UTRN: variants seen among roughly 807,000 people sequenced by gnomAD.
The protein encoded by UTRN is utrophin.
A neutral mutation model predicts 463.9 loss-of-function variants in UTRN; 283 were observed. The ratio of observed to expected loss-of-function variants is 0.61; its 90% CI spans 0.55 to 0.67. The LOEUF (loss-of-function observed/expected upper bound fraction) is 0.67. Among genes scored for constraint, UTRN ranks in the 30% least tolerant of loss-of-function variants. UTRN has a pLI of 0.00. For missense variants in UTRN, 3,922 were observed against 4,084.3 expected (o/e 0.96, Z 1.08); for synonymous variants, 1,442 against 1,431.5 (o/e 1.01, Z -0.17).
At position 144,663,526 on chromosome 6, in the gene UTRN, T is replaced by A. The variant is rs757447308; in HGVS notation, c.7480-14880T>A. 3.5e-4 allele frequency among the ~76,000 whole-genome samples: 54 copies of A among 152,224 alleles called. 1 individual carries two copies. The highest frequency in any genetic ancestry group is 1.0e-4 in the Non-Finnish European group (7 of 68,038). On this transcript the variant is annotated intron_variant, in intron 51 of 74. Coordinates refer to ENST00000367545, the MANE Select transcript of UTRN (RefSeq NM_007124.3). ...GTACTGTATTTCTTTTGTTTAATAGTCACAGAGGATAGTGTAATGGCCAAT... is the reference window on the plus strand; with the variant it reads ...GTACTGTATTTCTTTTGTTTAATAGACACAGAGGATAGTGTAATGGCCAAT...
At chr6:144,580,222 A>G (rs200413327) in intron 51 of UTRN, among the ~76,000 whole-genome samples, 1 of 92,764 alleles carries the variant, frequency 1.1e-5, no homozygotes, top group African/African-American at 5.6e-5. Context: ...TGGTGGTGGC[A>G]GTGGTGGTGG....
intron 2 of UTRN, among the ~76,000 whole-genome samples, chr6:144,376,179 G>A (rs543061760): frequency 2.6e-5 from 4 of 151,940 alleles, no homozygotes; most frequent in East Asian, 3.9e-4. Flanking sequence ...TTTTTGGGTC[G>A]GGCCGGGTGG....
At chr6:144,319,064 G>C (rs1310197477) in intron 2 of UTRN, among the ~76,000 whole-genome samples, 1 of 149,156 alleles carries the variant, frequency 6.7e-6, no homozygotes, top group Non-Finnish European at 1.5e-5. Context: ...ATGAGACCCT[G>C]TCTCAAAATA....
At chr6:144,651,727 CT>C (rs1778834433) in intron 51 of UTRN, among the ~76,000 whole-genome samples, 1 of 152,166 alleles carries the variant, frequency 6.6e-6, no homozygotes, top group Non-Finnish European at 1.5e-5. Context: ...TACATATAGT[CT>C]TTTCTATACC....
chr6:144,470,842 C>T (rs966909270), intron 23 of UTRN, among the ~76,000 whole-genome samples: 4 of 151,842 alleles, frequency 2.6e-5, no homozygotes, highest in Non-Finnish European at 5.9e-5. Context: ...CCGGCCAACA[C>T]GGCGAAACCC....
At chr6:144,369,318 A>G (rs73594936) in intron 2 of UTRN, among the ~76,000 whole-genome samples, 20,381 of 152,216 alleles carry the variant, frequency 0.13, 4,112 homozygotes, top group African/African-American at 0.43. Flanking sequence ...ACATTTCATC[A>G]CATAAAAATT....
At chr6:144,620,400 T>C (rs1034259881) in intron 51 of UTRN, among the ~76,000 whole-genome samples, 2 of 152,062 alleles carry the variant, frequency 1.3e-5, no homozygotes, top group African/African-American at 2.4e-5. Context: ...ATCTGCTTAA[T>C]TGGTAGACTT....
At chr6:144,706,357 A>G (rs1053307920) in intron 53 of UTRN, among the ~76,000 whole-genome samples, 3 of 152,036 alleles carry the variant, frequency 2.0e-5, no homozygotes, top group South Asian at 2.1e-4. Context: ...AAAGAACCCT[A>G]AGAAATAAGA....
chr6:144,826,211 T>C (rs886551444), intron 66 of UTRN, among the ~76,000 whole-genome samples: 8 of 150,350 alleles, frequency 5.3e-5, no homozygotes, highest in Non-Finnish European at 8.9e-5. Context: ...AAAATAGATC[T>C]GAAGAGTCTT....
Position 144,437,587 on chromosome 6 carries a change from C to T in UTRN, c.1082C>T (p.Ala361Val), listed in dbSNP as rs1353902135. 1 of 1,611,322 alleles carries T rather than the reference C, an allele frequency of 6.2e-7. No homozygotes were observed. The highest frequency in any genetic ancestry group is 1.7e-5 in the Admixed American group (1 of 59,544). ...TAGGCTTTTATGATGGAACTGACTG[C>T]ACACCAGAGCAGTGTGGGCAGCGTC... is the stretch of plus-strand genomic sequence containing the variant. ...THEAFMMELT[A>V]HQSSVGSVLQ... The change falls in exon 11 of 75, where the codon GCA becomes GTA. Residue 361 changes from alanine (A) to valine (V), a missense_variant. Transcript: ENST00000367545.
At chr6:144,720,291 A>G (rs891231995) in intron 53 of UTRN, among the ~76,000 whole-genome samples, 4 of 152,154 alleles carry the variant, frequency 2.6e-5, no homozygotes, top group African/African-American at 9.7e-5. Context: ...TGTCTTTCTC[A>G]CTAAGTTGTA....
chr6:144,794,126 T>TAAGGTACCAACC, intron 63 of UTRN, 135 bp downstream of exon 63: 1 of 1,257,848 alleles, frequency 8.0e-7, no homozygotes, highest in Non-Finnish European at 1.1e-6. Context: ...AGTGGTGTAT[T>TAAGGTACCAACC]TTATTTCCTA....
intron 27 of UTRN, among the ~76,000 whole-genome samples, chr6:144,484,432 CTTTTTTTTTTT>C (rs765122659): frequency 1.2e-4 from 8 of 66,234 alleles, no homozygotes; most frequent in Non-Finnish European, 1.9e-4. Context: ...AAAAACCAAA[CTTTTTTTTTTT>C]TTTTTTTTTT....
chr6:144,662,479 T>C (rs1336337833), intron 51 of UTRN, among the ~76,000 whole-genome samples: 10 of 152,202 alleles, frequency 6.6e-5, no homozygotes, highest in Non-Finnish European at 1.0e-4. Context: ...CCCTCAATTC[T>C]CAGTCCTGTC....
intron 51 of UTRN, among the ~76,000 whole-genome samples, chr6:144,653,602 G>T (rs1054328109): frequency 6.7e-6 from 1 of 148,534 alleles, no homozygotes; most frequent in Non-Finnish European, 1.5e-5. Flanking sequence ...AAAAAAAAAA[G>T]AAATTATCTC....
intron 51 of UTRN, among the ~76,000 whole-genome samples, chr6:144,596,876 A>G (rs1310861589): frequency 2.0e-5 from 3 of 152,210 alleles, no homozygotes; most frequent in Non-Finnish European, 2.9e-5. Flanking sequence ...ATCATAAAAG[A>G]ACTTGAAATG....
intron 2 of UTRN, among the ~76,000 whole-genome samples, chr6:144,365,099 A>G (rs187749289): frequency 6.6e-6 from 1 of 152,288 alleles, no homozygotes; most frequent in Admixed American, 6.5e-5. Flanking sequence ...GAGGAAGAAG[A>G]TGTATTATTC....
At chr6:144,808,814 C>T (rs1239142033) in intron 65 of UTRN, among the ~76,000 whole-genome samples, 1 of 151,934 alleles carries the variant, frequency 6.6e-6, no homozygotes, top group African/African-American at 2.4e-5. Context: ...GTATAATGTC[C>T]TCCAGGCTCA....
chr6:144,714,304 A>G lies in UTRN; in HGVS notation c.7809+14061A>G, dbSNP rs528496612. Among the ~76,000 whole-genome samples the G allele has an allele frequency of 2.6e-5, 4 of 152,336 alleles. No homozygotes were observed. In the South Asian group the frequency reaches 8.3e-4, roughly 32 times the overall value. ...ATTTAGCTTTGAAAGCAAGTTGGGA[A>G]AAGAGTAAATTACATTCTAGCAGAT... On this transcript the variant is annotated intron_variant, in intron 53 of 74. Coordinates refer to ENST00000367545, the MANE Select transcript of UTRN (RefSeq NM_007124.3).
Sources: gnomAD v4.1 joint callset for allele counts (sites outside exome capture counted in the v4.1 genomes callset) on GRCh38, gnomAD v4.1.1 for gene constraint, MANE v1.5 for transcripts, NCBI Gene and HGNC (gene_info 2026-07-23, HGNC 2026-07-21) for gene names.